Variants in PHF21B observed in about 807,000 individuals in gnomAD.
The protein encoded by PHF21B is PHD finger protein 21B, also known as PHD finger protein 4.
A neutral mutation model predicts 62.2 loss-of-function variants in PHF21B; 22 were observed. The ratio of observed to expected loss-of-function variants is 0.35; its 90% confidence interval spans 0.25 to 0.51. PHF21B has a LOEUF of 0.51. Among genes scored for constraint, PHF21B ranks in the 20% least tolerant of loss-of-function variants. The pLI, the probability that PHF21B is intolerant of heterozygous loss-of-function variation, is 0.97. For synonymous variants in PHF21B, 341 were observed against 314.7 expected (o/e 1.08, Z -0.88); for missense variants, 701 against 707.9 (o/e 0.99, Z 0.11).
Position 45,009,489 on chromosome 22 carries a change from C to A in PHF21B, c.54+7G>T, listed in dbSNP as rs1569291776. ...CCCGGCCCCGGGCCCGGCCCCCGGC[C>A]ACCTACCTGGTGGCGCGCGAGTTCC... is the stretch of plus-strand genomic sequence containing the variant. On this transcript the variant is annotated splice_region_variant and intron_variant, in intron 1 of 12. Coordinates refer to ENST00000313237, the MANE Select transcript of PHF21B (RefSeq NM_138415.5). The surrounding 1 kb of genome is among the most constrained non-coding windows in gnomAD (Gnocchi z 5.9). 8.4e-6 allele frequency: 13 copies of A among 1,542,058 alleles called. No individual in the cohort carries two copies. The South Asian group carries it at 1.3e-4, about 15-fold the overall frequency.
chr22:45,008,886 C>CG (rs1454651233), intron 1 of PHF21B: 26 of 1,168,940 alleles, frequency 2.2e-5, no homozygotes, highest in Non-Finnish European at 6.3e-6. Flanking sequence ...GTTTGCAGGC[C>CG]GGGGTGCGTG....
chr22:44,929,035 A>G (rs1228504200), intron 2 of PHF21B, among the ~76,000 whole-genome samples: 1 of 152,182 alleles, frequency 6.6e-6, no homozygotes, highest in African/African-American at 2.4e-5. Context: ...TCCTCTCCAC[A>G]TGGCCCAGCC....
chr22:44,955,061 C>T (rs548700667), intron 2 of PHF21B, among the ~76,000 whole-genome samples: 2 of 152,276 alleles, frequency 1.3e-5, no homozygotes, highest in Admixed American at 6.5e-5. Context: ...CACTGTCCAG[C>T]GGTGCAGCTG....
chr22:44,960,182 C>A, intron 2 of PHF21B, among the ~76,000 whole-genome samples: 1 of 152,192 alleles, frequency 6.6e-6, no homozygotes, highest in Non-Finnish European at 1.5e-5. Flanking sequence ...GACGCTGAGG[C>A]CTCCACAAGC....
At chr22:45,005,473 G>C (rs1223999857) in intron 2 of PHF21B, among the ~76,000 whole-genome samples, 1 of 152,166 alleles carries the variant, frequency 6.6e-6, no homozygotes, top group Admixed American at 6.5e-5. Flanking sequence ...AAACTAGACA[G>C]TTACACAGAA....
At chr22:44,933,228 C>T (rs933847375) in intron 2 of PHF21B, among the ~76,000 whole-genome samples, 2 of 152,046 alleles carry the variant, frequency 1.3e-5, no homozygotes, top group Admixed American at 1.3e-4. Flanking sequence ...TCTCCTGCCT[C>T]AGCCTCCCAA....
At chr22:44,915,756 G>C (rs571594109) in intron 4 of PHF21B, among the ~76,000 whole-genome samples, 37 of 152,234 alleles carry the variant, frequency 2.4e-4, no homozygotes, top group Non-Finnish European at 4.9e-4. Context: ...AGCCCCGAAG[G>C]CCTCAAACAG....
intron 1 of PHF21B, 78 bp from the exon 2 acceptor site, chr22:45,008,688 CCCCGCCCGGAG>C: frequency 3.2e-6 from 4 of 1,247,422 alleles, no homozygotes; most frequent in Non-Finnish European, 4.1e-6. Flanking sequence ...CCGCGGCACC[CCCCGCCCGGAG>C]CCCCACGGGC....
Position 44,915,548 on chromosome 22 carries a change from C to T in PHF21B, c.564+732G>A, listed in dbSNP as rs184152587. Among the ~76,000 whole-genome samples the T allele has an allele frequency of 2.9e-4, 44 of 152,274 alleles. No homozygotes were observed. The East Asian group carries it at 8.1e-3, about 28-fold the overall frequency. The stretch of plus-strand genomic sequence containing the variant: ...AATTCTTTGAGGGGCCCTCAGTGGG[C>T]GGGAGAGCCTGGAAGCACAGGACTC... On this transcript the variant is annotated intron_variant, in intron 4 of 12. Transcript: ENST00000313237.
At chr22:44,892,948 C>T (rs145863716) in intron 7 of PHF21B, among the ~76,000 whole-genome samples, 2 of 152,148 alleles carry the variant, frequency 1.3e-5, no homozygotes, top group East Asian at 3.9e-4. Context: ...GATTCCCACC[C>T]CCATCCCTGG....
At chr22:45,002,236 C>T (rs867827006) in intron 2 of PHF21B, among the ~76,000 whole-genome samples, 1 of 152,124 alleles carries the variant, frequency 6.6e-6, no homozygotes, top group Admixed American at 6.5e-5. Context: ...TGTCATTATA[C>T]GTTACATGTG....
At chr22:44,890,351 T>C (rs1036724750) in intron 8 of PHF21B, among the ~76,000 whole-genome samples, 1 of 152,226 alleles carries the variant, frequency 6.6e-6, no homozygotes. Flanking sequence ...AAACCACACA[T>C]TTTAATGATC....
At chr22:44,901,727 G>T in intron 5 of PHF21B, 1 of 389,570 alleles carries the variant, frequency 2.6e-6, no homozygotes. Flanking sequence ...TCCCATCCTT[G>T]TCAGAGGAAT....
chr22:44,989,676 G>C (rs5766262), intron 2 of PHF21B: 133,464 of 147,288 alleles, frequency 0.91, 60,479 homozygotes, highest in Middle Eastern at 0.93. Context: ...GTGGTGTGAT[G>C]TCAGCTCACG....
At chr22:44,984,089 TCA>T in intron 2 of PHF21B, among the ~76,000 whole-genome samples, 1 of 38,824 alleles carries the variant, frequency 2.6e-5, no homozygotes, top group Middle Eastern at 0.011. Flanking sequence ...ACCATCACCA[TCA>T]TCATCACCAT....
At chr22:44,976,981 T>C (rs1601669043) in intron 2 of PHF21B, among the ~76,000 whole-genome samples, 2 of 151,890 alleles carry the variant, frequency 1.3e-5, no homozygotes, top group East Asian at 3.9e-4. Context: ...CTACAAAAGA[T>C]GCAAAAAAGG....
intron 2 of PHF21B, among the ~76,000 whole-genome samples, chr22:44,937,416 G>A (rs1002142598): frequency 6.6e-6 from 1 of 152,206 alleles, no homozygotes; most frequent in East Asian, 1.9e-4. Context: ...CGCTGAGGAC[G>A]GAGACCCAAG....
rs76669573 is a variant in PHF21B at position 44,979,303 on chromosome 22, A to G, written c.120+29242T>C. On this transcript the variant is annotated intron_variant, in intron 2 of 12. Transcript: ENST00000313237. Reference sequence around the variant, plus strand: ...GGCGGCCTGATGAACACAGTGGCCAAGGCCAAGTTCACGTGTGACACCAGG... The same window carrying G: ...GGCGGCCTGATGAACACAGTGGCCAGGGCCAAGTTCACGTGTGACACCAGG... Among the ~76,000 whole-genome samples the G allele has an allele frequency of 3.9e-3, 592 of 152,374 alleles. 6 individuals carry two copies. The highest frequency in any genetic ancestry group is 0.013 in the African/African-American group (532 of 41,590).
At position 44,916,576 on chromosome 22, in the gene PHF21B, G is replaced by C; in HGVS notation, c.268C>G (p.Arg90Gly). The change falls in exon 4 of 13, where the codon CGG becomes GGG. Residue 90 changes from arginine to glycine, a missense_variant. Transcript: ENST00000313237. The part of the protein sequence containing the change: ...DSLPVAPGRD[R>G]PPKQPPTFQK... ...AATGTTGGGGGCTGCTTGGGTGGCC[G>C]GTCCCGGCCCGGGGCAACGGGGAGG... 6.2e-7 allele frequency: 1 copy of C among 1,606,646 alleles called. No homozygotes were observed. The highest frequency in any genetic ancestry group is 8.5e-7 in the Non-Finnish European group (1 of 1,179,872).
Sources: allele counts gnomAD v4.1 joint callset (sites outside exome capture counted in the v4.1 genomes callset), GRCh38; gene constraint gnomAD v4.1.1; non-coding constraint Gnocchi (gnomAD v3.1); transcripts MANE v1.5; gene names NCBI Gene and HGNC (gene_info 2026-07-23, HGNC 2026-07-21).